RAB15: variants seen among roughly 807,000 people sequenced by gnomAD.
The protein encoded by RAB15 is ras-related protein Rab-15.
Under a neutral mutation model 31.8 loss-of-function variants are expected in RAB15, and 13 were observed. That is an observed-to-expected ratio of 0.41 (90% confidence interval 0.27 to 0.65). RAB15 has a LOEUF of 0.65. Ranked by LOEUF, RAB15 falls within the 30% of genes least tolerant of loss-of-function variation. RAB15 has a pLI of 0.32. For missense variants in RAB15, 220 were observed against 277.3 expected (o/e 0.79, Z 1.47); for synonymous variants, 100 against 105.6 (o/e 0.95, Z 0.33).
intron 1 of RAB15, among the ~76,000 whole-genome samples, chr14:64,957,219 G>T (rs1475128559): frequency 6.6e-6 from 1 of 152,076 alleles, no homozygotes; most frequent in African/African-American, 2.4e-5. Flanking sequence ...TTATAGGCAT[G>T]AGCCTCCGCA....
At position 64,970,544 on chromosome 14, in the gene RAB15, T is replaced by C. The variant is rs146853298; in HGVS notation, c.124+1409A>G. ...CCTGTTGTTTCACCCTTCAAGTTGG[T>C]GAAACAAAGAGAGGAGACCCTAAAA... On this transcript the variant is annotated intron_variant, in intron 1 of 6. Transcript: ENST00000533601. This position sits in a 1 kb window ranked among gnomAD's most constrained non-coding sequence, Gnocchi z 4.1. Among the ~76,000 whole-genome samples the C allele has an allele frequency of 6.6e-6, 1 of 152,184 alleles. No homozygotes were observed. The highest frequency in any genetic ancestry group is 1.9e-4 in the East Asian group (1 of 5,186).
At position 64,968,992 on chromosome 14, in the gene RAB15, A is replaced by C. The variant is rs1248174720; in HGVS notation, c.124+2961T>G. Among the ~76,000 whole-genome samples, 1 of 152,216 alleles carries C rather than the reference A, an allele frequency of 6.6e-6. No individual in the cohort carries two copies. The highest frequency in any genetic ancestry group is 2.4e-5 in the African/African-American group (1 of 41,450). On this transcript the variant is annotated intron_variant, in intron 1 of 6. Coordinates refer to ENST00000533601, the MANE Select transcript of RAB15 (RefSeq NM_001308154.2). The surrounding 1 kb of genome is among the most constrained non-coding windows in gnomAD (Gnocchi z 4.9). ...ATCGCAGGCCGTTAAAGTGGAGTAC[A>C]CAGTAAATCACAAAAGTACTGGCCT... is the stretch of plus-strand genomic sequence containing the variant.
Position 64,948,752 on chromosome 14 carries a change from T to G in RAB15, c.415-19A>C. The G allele has an allele frequency of 6.2e-7, 1 of 1,608,856 alleles. No homozygotes were observed. Among genetic ancestry groups the G allele is most frequent in the Non-Finnish European group, 8.5e-7 (1 of 1,176,896 alleles). ...TCGCCAGCTGCAAGAGAAGGACATT[T>G]CTGAAAGAGAGTCAGTAAGGCAGGG... On this transcript the variant is annotated intron_variant, in intron 5 of 6. Transcript: ENST00000533601. The surrounding 1 kb of genome is among the most constrained non-coding windows in gnomAD (Gnocchi z 7.0).
rs1358650534 is a variant in RAB15, at chr14:64,952,760, C to T, written c.125-189G>A. 6.6e-6 allele frequency among the ~76,000 whole-genome samples: 1 copy of T among 152,190 alleles called. No individual in the cohort carries two copies. The highest frequency in any genetic ancestry group is 1.5e-5 in the Non-Finnish European group (1 of 68,036). ...ATCTGAAGCTTTGAAAGGGGCTTTC[C>T]TCCCTCCCTGAGCTGAAAGTTGCCA... On this transcript the variant is annotated intron_variant, in intron 1 of 6. Transcript: ENST00000533601. The surrounding 1 kb of genome is among the most constrained non-coding windows in gnomAD (Gnocchi z 4.2).
rs369763424 is a variant in RAB15, at chr14:64,951,686, C to T, written c.186-23G>A. 206 of 1,604,958 alleles carry T rather than the reference C, an allele frequency of 1.3e-4. No homozygotes were observed. Among genetic ancestry groups the T allele is most frequent in the Middle Eastern group, 3.3e-4 (2 of 6,074 alleles). ...TCCCTGCAGGAGAAAGCCAGTCCCT[C>T]AGAGGAGCAGGGACCATGGGAACAG... On this transcript the variant is annotated intron_variant, in intron 2 of 6. Coordinates refer to ENST00000533601, the MANE Select transcript of RAB15 (RefSeq NM_001308154.2). The surrounding 1 kb of genome is among the most constrained non-coding windows in gnomAD (Gnocchi z 7.2).
rs889501148 is a variant in RAB15, at chr14:64,950,553, A to G, written c.325-139T>C. 2.7e-6 allele frequency: 2 copies of G among 752,336 alleles called. No homozygotes were observed. The highest frequency in any genetic ancestry group is 2.3e-6 in the Non-Finnish European group (1 of 428,578). The allele number at this position is 752,336 out of a possible 1,614,324, so 46.6% of individuals were successfully genotyped here. A position where few individuals can be genotyped will look rare whatever the true frequency, so the allele number is the denominator to read the frequency against. ...GGTGGGCCGACTGGATGCAGGTGCC[A>G]GGCTCCCCCAAGTGCCATGGCTGAC... is the stretch of plus-strand genomic sequence containing the variant. On this transcript the variant is annotated intron_variant, in intron 4 of 6. Coordinates refer to ENST00000533601, the MANE Select transcript of RAB15 (RefSeq NM_001308154.2). The surrounding 1 kb of genome is among the most constrained non-coding windows in gnomAD (Gnocchi z 5.6).
In RAB15 at chr14:64,971,348, C is replaced by T. The variant is rs1594960076; in HGVS notation, c.124+605G>A. Among the ~76,000 whole-genome samples the T allele has an allele frequency of 6.6e-6, 1 of 152,206 alleles. No individual in the cohort carries two copies. Among genetic ancestry groups the T allele is most frequent in the Non-Finnish European group, 1.5e-5 (1 of 68,026 alleles). On this transcript the variant is annotated intron_variant, in intron 1 of 6. Coordinates refer to ENST00000533601, the MANE Select transcript of RAB15 (RefSeq NM_001308154.2). The surrounding 1 kb of genome is among the most constrained non-coding windows in gnomAD (Gnocchi z 4.1). ...CTCCTCCATCCTCTTTAGCCTCCCT[C>T]AGAACAGATGTCTCCTCTTCCCAGG...
Position 64,955,565 on chromosome 14 carries a change from A to G in RAB15, c.125-2994T>C, listed in dbSNP as rs915560156. Among the ~76,000 whole-genome samples, 1 of 152,058 alleles carries G rather than the reference A, an allele frequency of 6.6e-6. No homozygotes were observed. The highest frequency in any genetic ancestry group is 1.5e-5 in the Non-Finnish European group (1 of 67,992). On this transcript the variant is annotated intron_variant, in intron 1 of 6. Coordinates refer to ENST00000533601, the MANE Select transcript of RAB15 (RefSeq NM_001308154.2). The surrounding 1 kb of genome is among the most constrained non-coding windows in gnomAD (Gnocchi z 4.4). Reference sequence around the variant, plus strand: ...TGTTTATTCACATGTGTGTTCACCTATCACTGTCCCCCCACTGAAGACTTC... The same window carrying G: ...TGTTTATTCACATGTGTGTTCACCTGTCACTGTCCCCCCACTGAAGACTTC...
In RAB15 at chr14:64,946,660, G is replaced by A. The variant is rs1885936948; in HGVS notation, c.*1694C>T. The A allele has an allele frequency of 6.6e-6, 1 of 152,182 alleles. No homozygotes were observed. Among genetic ancestry groups the A allele is most frequent in the Non-Finnish European group, 1.5e-5 (1 of 68,044 alleles). The allele number at this position is 152,182 out of a possible 1,614,324, so 9.4% of individuals were successfully genotyped here. ...GTTCTTTCCCCACTTCTTTTTGGAG[G>A]AGTAAGGAAGTGAGGTTCTTATCCT... On this transcript the variant is annotated 3_prime_UTR_variant, in exon 7 of 7. Coordinates refer to ENST00000533601, the MANE Select transcript of RAB15 (RefSeq NM_001308154.2).
chr14:64,951,121 C>T lies in RAB15; in HGVS notation c.277G>A (p.Glu93Lys), dbSNP rs747867822. ...GIFLVYDISS[E>K]RSYQHIMKWV... Reference sequence around the variant, plus strand: ...TTCATGATGTGCTGGTAAGAGCGCTCGCTGCTAATGTCATAGACCAAAAAT... The same window carrying T: ...TTCATGATGTGCTGGTAAGAGCGCTTGCTGCTAATGTCATAGACCAAAAAT... The change falls in exon 4 of 7, where the codon GAG (glutamate) becomes AAG (lysine). Residue 93 changes from glutamate (E) to lysine (K), a missense_variant. Coordinates refer to ENST00000533601, the MANE Select transcript of RAB15 (RefSeq NM_001308154.2). This position sits in a 1 kb window ranked among gnomAD's most constrained non-coding sequence, Gnocchi z 7.2. The T allele has an allele frequency of 6.2e-6, 10 of 1,612,690 alleles. No homozygotes were observed. Among genetic ancestry groups the T allele is most frequent in the Middle Eastern group, 3.3e-4 (2 of 6,062 alleles).
rs181407503 is a variant in RAB15, at chr14:64,962,838, C to T, written c.124+9115G>A. On this transcript the variant is annotated intron_variant, in intron 1 of 6. Coordinates refer to ENST00000533601, the MANE Select transcript of RAB15 (RefSeq NM_001308154.2). This position sits in a 1 kb window ranked among gnomAD's most constrained non-coding sequence, Gnocchi z 4.2. ...TGTGCACCTGCATCTGTACTGTTTA[C>T]TGCGTGTCTTCTAGCATCTGGTTTA... is the stretch of plus-strand genomic sequence containing the variant. Among the ~76,000 whole-genome samples, 140 of 152,320 alleles carry T rather than the reference C, an allele frequency of 9.2e-4. No homozygotes were observed. The highest frequency in any genetic ancestry group is 3.3e-3 in the African/African-American group (136 of 41,576).
intron 1 of RAB15, among the ~76,000 whole-genome samples, chr14:64,959,170 C>T (rs1886728307): frequency 6.6e-6 from 1 of 152,222 alleles, no homozygotes; most frequent in Non-Finnish European, 1.5e-5. Context: ...AACATGCTGA[C>T]TGCAGTTGGG....
At position 64,951,232 on chromosome 14, in the gene RAB15, A is replaced by G. The variant is rs1886232020; in HGVS notation, c.247-81T>C. Reference sequence around the variant, plus strand: ...GGCCAGAAGGGGCCGTGGAAACTTAAAGGTTGGGTCCCACTCTCCCATTCT... The same window carrying G: ...GGCCAGAAGGGGCCGTGGAAACTTAGAGGTTGGGTCCCACTCTCCCATTCT... On this transcript the variant is annotated intron_variant, in intron 3 of 6. Coordinates refer to ENST00000533601, the MANE Select transcript of RAB15 (RefSeq NM_001308154.2). This position sits in a 1 kb window ranked among gnomAD's most constrained non-coding sequence, Gnocchi z 7.2. 2 of 1,206,652 alleles carry G rather than the reference A, an allele frequency of 1.7e-6. No individual in the cohort carries two copies. Among genetic ancestry groups the G allele is most frequent in the East Asian group, 2.3e-5 (1 of 42,794 alleles). 74.7% of individuals were successfully genotyped at this position (1,206,652 alleles called of 1,614,324 possible).
intron 1 of RAB15, among the ~76,000 whole-genome samples, chr14:64,959,150 A>G (rs1886726619): frequency 6.6e-6 from 1 of 152,202 alleles, no homozygotes; most frequent in Admixed American, 6.5e-5. Flanking sequence ...GGAGAGGCCT[A>G]AGGATGATGA....
intron 1 of RAB15, among the ~76,000 whole-genome samples, chr14:64,957,630 G>A (rs1408858305): frequency 2.0e-5 from 3 of 152,140 alleles, no homozygotes; most frequent in Non-Finnish European, 4.4e-5. Context: ...GCTCTTATGC[G>A]GGTCCCATGA....
At chr14:64,956,230 C>T (rs1395869412) in intron 1 of RAB15, among the ~76,000 whole-genome samples, 1 of 151,834 alleles carries the variant, frequency 6.6e-6, no homozygotes, top group Non-Finnish European at 1.5e-5. Flanking sequence ...TGGTGAAACC[C>T]CCGTCTCTAC....
intron 1 of RAB15, among the ~76,000 whole-genome samples, chr14:64,967,546 A>AC (rs1887200184): frequency 6.6e-6 from 1 of 151,548 alleles, no homozygotes; most frequent in African/African-American, 2.4e-5. Context: ...TTGTGCCACC[A>AC]CCACACTCCA....
chr14:64,960,945 C>T (rs1206903178), intron 1 of RAB15, among the ~76,000 whole-genome samples: 1 of 152,188 alleles, frequency 6.6e-6, no homozygotes, highest in Non-Finnish European at 1.5e-5. Context: ...TACTAGCGGG[C>T]CAGCACCTCA....
At chr14:64,964,962 C>G (rs1887054617) in intron 1 of RAB15, among the ~76,000 whole-genome samples, 1 of 143,924 alleles carries the variant, frequency 6.9e-6, no homozygotes, top group Admixed American at 6.9e-5. Context: ...TTTTTTTTTC[C>G]TGAGACAGGG....
Sources: gnomAD v4.1 joint callset for allele counts (sites outside exome capture counted in the v4.1 genomes callset) on GRCh38, gnomAD v4.1.1 for gene constraint, Gnocchi (gnomAD v3.1) non-coding constraint, MANE v1.5 for transcripts, NCBI Gene and HGNC (gene_info 2026-07-23, HGNC 2026-07-21) for gene names.